TOX: variants seen among roughly 807,000 people sequenced by gnomAD.
The protein encoded by TOX is thymocyte selection-associated high mobility group box protein TOX.
A neutral mutation model predicts 53.7 loss-of-function variants in TOX; 11 were observed. That is an observed-to-expected ratio of 0.20 (90% CI 0.13 to 0.34). The LOEUF (loss-of-function observed/expected upper bound fraction) is 0.34. Ranked by LOEUF, TOX falls within the 10% of genes least tolerant of loss-of-function variation. The pLI is 1.00. For synonymous variants in TOX, 225 were observed against 245.3 expected (o/e 0.92, Z 0.77); for missense variants, 570 against 664.6 (o/e 0.86, Z 1.56).
intron 1 of TOX, among the ~76,000 whole-genome samples, chr8:59,107,048 G>GGGGA (rs1563448613): frequency 1.0e-5 from 1 of 96,640 alleles, no homozygotes; most frequent in East Asian, 4.5e-4. Flanking sequence ...CAGTTTGCTG[G>GGGGA]GGGGGGGGGG....
At chr8:59,083,328 C>T (rs1804445000) in intron 1 of TOX, among the ~76,000 whole-genome samples, 1 of 152,052 alleles carries the variant, frequency 6.6e-6, no homozygotes. Context: ...TTTTAAATAC[C>T]TTTAGTTCTG....
intron 2 of TOX, among the ~76,000 whole-genome samples, chr8:58,940,845 T>C (rs1278359784): frequency 6.6e-6 from 1 of 152,186 alleles, no homozygotes; most frequent in Admixed American, 6.5e-5. Context: ...AATCTTCAAG[T>C]TCCACTTTCT....
At chr8:58,813,515 A>G (rs980952252) in intron 7 of TOX, among the ~76,000 whole-genome samples, 2 of 152,134 alleles carry the variant, frequency 1.3e-5, no homozygotes, top group Non-Finnish European at 2.9e-5. Flanking sequence ...TCATACAAAC[A>G]CTACTGGTTC....
chr8:58,886,940 A>T (rs1256488613), intron 3 of TOX, among the ~76,000 whole-genome samples: 1 of 151,930 alleles, frequency 6.6e-6, no homozygotes, highest in South Asian at 2.1e-4. Context: ...TATGAGAATT[A>T]TCAGGAAACA....
chr8:58,889,095 C>T (rs1183332184), intron 3 of TOX, among the ~76,000 whole-genome samples: 1 of 151,088 alleles, frequency 6.6e-6, no homozygotes, highest in East Asian at 1.9e-4. Context: ...TACAATTTGG[C>T]ATATCTATTA....
intron 2 of TOX, among the ~76,000 whole-genome samples, chr8:58,950,226 T>G (rs190758640): frequency 0.017 from 2,640 of 151,698 alleles, 35 homozygotes; most frequent in Non-Finnish European, 0.025. Context: ...AATATACAAT[T>G]ACATGTGTAT....
chr8:58,996,685 T>C (rs1178012822), intron 1 of TOX, among the ~76,000 whole-genome samples: 1 of 152,218 alleles, frequency 6.6e-6, no homozygotes, highest in Non-Finnish European at 1.5e-5. Context: ...AAATATGCTA[T>C]GAAAAATATT....
At chr8:58,857,106 A>G (rs1026689829) in intron 3 of TOX, among the ~76,000 whole-genome samples, 1 of 152,184 alleles carries the variant, frequency 6.6e-6, no homozygotes, top group African/African-American at 2.4e-5. Context: ...TAGGAACTCA[A>G]TACATATTTC....
At chr8:58,844,438 T>C (rs1476678257) in intron 4 of TOX, among the ~76,000 whole-genome samples, 1 of 152,154 alleles carries the variant, frequency 6.6e-6, no homozygotes, top group African/African-American at 2.4e-5. Flanking sequence ...GAGAGTTAAA[T>C]TTTATTCCAT....
chr8:59,052,157 A>G (rs976864672), intron 1 of TOX, among the ~76,000 whole-genome samples: 2 of 152,222 alleles, frequency 1.3e-5, no homozygotes, highest in African/African-American at 4.8e-5. Flanking sequence ...ATACAGAAAC[A>G]AGGATGCTAT....
At position 59,071,293 on chromosome 8, in the gene TOX, CT is replaced by C. The variant is rs1804193753; in HGVS notation, c.102+47592del. 2.0e-5 allele frequency among the ~76,000 whole-genome samples: 3 copies of C among 152,142 alleles called. No homozygotes were observed. In the South Asian group the frequency reaches 6.2e-4, roughly 32 times the overall value. On this transcript the variant is annotated intron_variant, in intron 1 of 8. Transcript: ENST00000361421. ...TACTTAGGGTGACACACTCTCCACC[CT>C]TAATACACACCACAGAGCACCAACC...
intron 7 of TOX, among the ~76,000 whole-genome samples, chr8:58,812,548 T>C (rs916889866): frequency 2.0e-5 from 3 of 152,198 alleles, no homozygotes; most frequent in Non-Finnish European, 4.4e-5. Flanking sequence ...GTGCCAGCCC[T>C]TGAGAAGGGC....
At chr8:58,829,445 G>C (rs1585848005) in intron 5 of TOX, among the ~76,000 whole-genome samples, 1 of 152,114 alleles carries the variant, frequency 6.6e-6, no homozygotes, top group African/African-American at 2.4e-5. Flanking sequence ...CTTTAGAAAA[G>C]AGTAAACTCA....
At chr8:58,927,394 G>C (rs1812181661) in intron 3 of TOX, among the ~76,000 whole-genome samples, 1 of 152,088 alleles carries the variant, frequency 6.6e-6, no homozygotes, top group South Asian at 2.1e-4. Flanking sequence ...AAGTGTAAAA[G>C]CACGGCTCCC....
intron 1 of TOX, among the ~76,000 whole-genome samples, chr8:59,070,142 C>T (rs444282): frequency 0.44 from 67,595 of 152,058 alleles, 18,054 homozygotes; most frequent in South Asian, 0.72. Context: ...TATGTGACAG[C>T]GCAGCTACTT....
At chr8:58,981,933 G>T (rs1813213460) in intron 1 of TOX, among the ~76,000 whole-genome samples, 1 of 152,002 alleles carries the variant, frequency 6.6e-6, no homozygotes, top group African/African-American at 2.4e-5. Context: ...CTACAAAAAG[G>T]CTCAAATTCT....
At chr8:58,986,995 A>G (rs1158293974) in intron 1 of TOX, among the ~76,000 whole-genome samples, 1 of 152,206 alleles carries the variant, frequency 6.6e-6, no homozygotes, top group Non-Finnish European at 1.5e-5. Flanking sequence ...CCTAGTCTGA[A>G]TTTCATTACC....
At chr8:58,981,797 C>A (rs549453288) in intron 1 of TOX, among the ~76,000 whole-genome samples, 51 of 152,214 alleles carry the variant, frequency 3.4e-4, no homozygotes, top group African/African-American at 1.0e-3. Context: ...TTCCTTCTTT[C>A]TTTTTGGCTT....
chr8:58,806,990 A>T lies in TOX; in HGVS notation c.*757T>A, dbSNP rs1312506262. 1.3e-5 allele frequency: 2 copies of T among 152,660 alleles called. No individual in the cohort carries two copies. The highest frequency in any genetic ancestry group is 3.8e-4 in the East Asian group (2 of 5,206). 9.5% of individuals were successfully genotyped at this position (152,660 alleles called of 1,614,324 possible). ...TTATACATAAAAGGACTTAAATGAC[A>T]TTTACTAACCATTACACAAAAAGTG... On this transcript the variant is annotated 3_prime_UTR_variant, in exon 9 of 9. Transcript: ENST00000361421.
Sources: gnomAD v4.1 joint callset for allele counts (sites outside exome capture counted in the v4.1 genomes callset) on GRCh38, gnomAD v4.1.1 for gene constraint, MANE v1.5 for transcripts, NCBI Gene and HGNC (gene_info 2026-07-23, HGNC 2026-07-21) for gene names.